USP10: variants seen among roughly 807,000 people sequenced by gnomAD.
USP10 encodes ubiquitin carboxyl-terminal hydrolase 10.
Under a neutral mutation model 84.5 loss-of-function variants are expected in USP10, and 22 were observed. That is an observed-to-expected ratio of 0.26 (90% CI 0.19 to 0.37). The LOEUF (loss-of-function observed/expected upper bound fraction) is 0.37. Among genes scored for constraint, USP10 ranks in the 10% least tolerant of loss-of-function variants. The probability of loss-of-function intolerance (pLI) is 1.00; values close to 1 mark genes in which losing one functional copy is unlikely to be tolerated. For missense variants in USP10, 1,019 were observed against 998.9 expected (o/e 1.02, Z -0.27); for synonymous variants, 454 against 387.6 (o/e 1.17, Z -2.01).
chr16:84,752,385 G>C (rs1384553191), intron 4 of USP10, among the ~76,000 whole-genome samples: 1 of 152,194 alleles, frequency 6.6e-6, no homozygotes, highest in East Asian at 1.9e-4. Context: ...AGGTAAAATA[G>C]ATACACCAAT....
intron 8 of USP10, among the ~76,000 whole-genome samples, chr16:84,760,582 C>A (rs548686703): frequency 1.3e-5 from 2 of 152,316 alleles, no homozygotes; most frequent in South Asian, 2.1e-4. Flanking sequence ...CAAGTCAGTT[C>A]TCTTAACCAC....
rs868723597 is a variant in USP10 at position 84,745,345 on chromosome 16, A to C, written c.864A>C (p.Gln288His). 6.2e-7 allele frequency: 1 copy of C among 1,612,968 alleles called. No individual in the cohort carries two copies. The highest frequency in any genetic ancestry group is 1.3e-5 in the African/African-American group (1 of 74,906). Residue 288 changes from glutamine (Q) to histidine (H), a missense_variant, in exon 4 of 14, where the codon CAA becomes CAC. Transcript: ENST00000219473. ...TTENLGVANGQILESSGEGTA... is the reference protein window; with the variant it reads ...TTENLGVANGHILESSGEGTA... ...AAAACCTTGGAGTTGCTAATGGACA[A>C]ATACTTGAATCCTCGGGTGAGGGCA...
At chr16:84,760,010 A>T in intron 7 of USP10, 64 bp downstream of exon 7, 5 of 1,587,322 alleles carry the variant, frequency 3.1e-6, no homozygotes, top group Non-Finnish European at 4.3e-6. Flanking sequence ...AGATGACTTA[A>T]ATTTGGTAAA....
At chr16:84,725,405 T>C (rs1040420279) in intron 1 of USP10, among the ~76,000 whole-genome samples, 2 of 152,196 alleles carry the variant, frequency 1.3e-5, no homozygotes, top group Non-Finnish European at 2.9e-5. Flanking sequence ...TTTCTTTTCT[T>C]TTTTCTTTTT....
chr16:84,763,151 C>G (rs1311087861), intron 9 of USP10, 63 bp downstream of exon 9: 1 of 1,023,148 alleles, frequency 9.8e-7, no homozygotes. Flanking sequence ...GTGTTGCATA[C>G]TCATATGTTA....
chr16:84,700,838 G>C (rs182486183), intron 1 of USP10, among the ~76,000 whole-genome samples: 259 of 152,230 alleles, frequency 1.7e-3, no homozygotes, highest in Middle Eastern at 3.4e-3. Context: ...GTGGTGGAAA[G>C]AAAGAGCTCT....
chr16:84,704,730 T>C lies in USP10; in HGVS notation c.21+4619T>C, dbSNP rs1462950363. On this transcript the variant is annotated intron_variant, in intron 1 of 13. Coordinates refer to ENST00000219473, the MANE Select transcript of USP10 (RefSeq NM_005153.3). ...TTTTCTGAACTGGCTATTTTCTGGC[T>C]ATTTGAAAGCTCCTGGGCCATGATC... 65 of 1,506,430 alleles carry C rather than the reference T, an allele frequency of 4.3e-5. 1 individual carries two copies. The East Asian group carries it at 1.5e-3, about 36-fold the overall frequency. 93.3% of individuals were successfully genotyped at this position (1,506,430 alleles called of 1,614,324 possible).
intron 1 of USP10, among the ~76,000 whole-genome samples, chr16:84,711,154 A>T (rs1216013932): frequency 6.6e-6 from 1 of 152,208 alleles, no homozygotes; most frequent in Non-Finnish European, 1.5e-5. Flanking sequence ...CTTGGCATTC[A>T]TTAAGTCCAT....
In USP10 at chr16:84,733,484, C is replaced by T. The variant is rs373544856; in HGVS notation, c.71C>T (p.Thr24Ile). ...SPDEFNQFFV[T>I]PRSSVELPPY... ...GATGAATTCAATCAATTCTTTGTGA[C>T]TCCTCGATCTTCAGTTGAGGTAAGA... The change falls in exon 2 of 14, where the codon ACT becomes ATT. Residue 24 changes from threonine (T) to isoleucine (I), a missense_variant. Transcript: ENST00000219473. 4.0e-5 allele frequency: 64 copies of T among 1,609,552 alleles called. No homozygotes were observed. The highest frequency in any genetic ancestry group is 5.1e-5 in the Non-Finnish European group (60 of 1,178,874).
intron 4 of USP10, among the ~76,000 whole-genome samples, chr16:84,757,724 A>G (rs545340429): frequency 1.3e-5 from 2 of 152,218 alleles, no homozygotes; most frequent in South Asian, 4.1e-4. Flanking sequence ...AGTAAAGGAG[A>G]CAGTGTGGAT....
chr16:84,772,405 G>C (rs1914548713), intron 11 of USP10, 136 bp from the exon 12 acceptor site: 2 of 1,237,272 alleles, frequency 1.6e-6, no homozygotes. Flanking sequence ...CTGTGGGGCA[G>C]GAAAAGCCAT....
At chr16:84,711,668 G>C (rs1026132167) in intron 1 of USP10, among the ~76,000 whole-genome samples, 2 of 149,560 alleles carry the variant, frequency 1.3e-5, no homozygotes, top group Admixed American at 1.3e-4. Context: ...GCCAGCAGCA[G>C]AAACTTTTCT....
At position 84,745,462 on chromosome 16, in the gene USP10, GGGCTCTGCATCA is replaced by G. The variant is rs772313745; in HGVS notation, c.985_996del (p.Ser329_Gly332del). ...GTGCATCACCTCCTGCTGACGGCAC[GGGCTCTGCATCA>G]GGCACCCTTCCTGTCAGCCAGCCCA... On this transcript the variant is annotated inframe_deletion, in exon 4 of 14. Coordinates refer to ENST00000219473, the MANE Select transcript of USP10 (RefSeq NM_005153.3). The G allele has an allele frequency of 3.3e-5, 54 of 1,613,448 alleles. No homozygotes were observed. Among genetic ancestry groups the G allele is most frequent in the Middle Eastern group, 3.3e-4 (2 of 6,078 alleles).
At chr16:84,752,722 T>C (rs1912077897) in intron 4 of USP10, among the ~76,000 whole-genome samples, 1 of 152,066 alleles carries the variant, frequency 6.6e-6, no homozygotes, top group Non-Finnish European at 1.5e-5. Context: ...TTTGCACCCC[T>C]GTTTTTTTCA....
rs779778682 is a variant in USP10, at chr16:84,759,957, A to G, written c.1450+11A>G. On this transcript the variant is annotated intron_variant, in intron 7 of 13. Coordinates refer to ENST00000219473, the MANE Select transcript of USP10 (RefSeq NM_005153.3). ...CAAAACCCCGACAAGGTTAGTAAAA[A>G]TGAGTTTTGTTGATGCTATTACATA... The G allele has an allele frequency of 9.3e-6, 15 of 1,613,718 alleles. No homozygotes were observed. Among genetic ancestry groups the G allele is most frequent in the African/African-American group, 1.3e-5 (1 of 74,938 alleles).
intron 1 of USP10, among the ~76,000 whole-genome samples, chr16:84,713,565 G>A (rs145459135): frequency 1.1e-3 from 169 of 152,270 alleles, no homozygotes; most frequent in Non-Finnish European, 2.1e-3. Flanking sequence ...GTTTTTGTTT[G>A]CTTTGTTCAC....
At chr16:84,754,507 A>T (rs1912297386) in intron 4 of USP10, among the ~76,000 whole-genome samples, 1 of 152,172 alleles carries the variant, frequency 6.6e-6, no homozygotes, top group Admixed American at 6.5e-5. Context: ...CTGCTGTTGC[A>T]GAGGTTGTGC....
At position 84,768,200 on chromosome 16, in the gene USP10, G is replaced by T. The variant is rs1369466933; in HGVS notation, c.1840G>T (p.Val614Phe). The T allele has an allele frequency of 1.3e-6, 2 of 1,587,456 alleles. No homozygotes were observed. The highest frequency in any genetic ancestry group is 2.3e-5 in the East Asian group (1 of 44,276). The change falls in exon 11 of 14, where the codon GTT becomes TTT. Residue 614 changes from valine (V) to phenylalanine (F), a missense_variant. Around this residue, in one of 2 missense-constraint regions of USP10, gnomAD observed 232 missense variants for 290.1 expected, o/e 0.80. Transcript: ENST00000219473. ...TTTGCTTTCAATTCTTAGGTCTGTG[G>T]TTTACCAGCAGAGTTCAAAAGAATC... The part of the protein sequence containing the change: ...GIFGGHIRSV[V>F]YQQSSKESAT...
At chr16:84,708,530 A>G (rs1052949428) in intron 1 of USP10, among the ~76,000 whole-genome samples, 42 of 152,360 alleles carry the variant, frequency 2.8e-4, no homozygotes, top group Middle Eastern at 3.4e-3. Context: ...TGAGAGGACA[A>G]ACTTTTTATT....
Sources: allele counts gnomAD v4.1 joint callset (sites outside exome capture counted in the v4.1 genomes callset), GRCh38; gene constraint gnomAD v4.1.1; regional missense constraint gnomAD v4.1.1; transcripts MANE v1.5; gene names NCBI Gene and HGNC (gene_info 2026-07-23, HGNC 2026-07-21).